GPHN: variants seen among roughly 807,000 people sequenced by gnomAD.
GPHN encodes the protein gephyrin.
Under a neutral mutation model 95.5 loss-of-function variants are expected in GPHN, and 17 were observed. The ratio of observed to expected loss-of-function variants is 0.18; its 90% CI spans 0.12 to 0.27. The LOEUF (loss-of-function observed/expected upper bound fraction) is 0.27, where lower values mean the gene tolerates loss of function less well. GPHN is among the 10% of genes least tolerant of loss of function. The pLI is 1.00. For synonymous variants in GPHN, 320 were observed against 322.5 expected (o/e 0.99, Z 0.08); for missense variants, 660 against 978.1 (o/e 0.67, Z 4.34).
At chr14:67,406,528 TG>T in the GPHN span, among the ~76,000 whole-genome samples, 1 of 152,050 alleles carries the variant, frequency 6.6e-6, no homozygotes, top group African/African-American at 2.4e-5. Context: ...GGGGAGGTGA[TG>T]GGGACCAAGG....
Position 67,144,253 on chromosome 14 carries a change from ATATAT to A in GPHN, c.1836+805_1836+809del, listed in dbSNP as rs2080727810. Among the ~76,000 whole-genome samples, 16 of 46,440 alleles carry A rather than the reference ATATAT, an allele frequency of 3.4e-4. 1 individual carries two copies. Among genetic ancestry groups the A allele is most frequent in the East Asian group, 1.7e-3 (3 of 1,776 alleles). 30.5% of individuals were successfully genotyped at this position (46,440 alleles called of 152,430 possible). On this transcript the variant is annotated intron_variant, in intron 18 of 22. Transcript: ENST00000478722. The stretch of plus-strand genomic sequence containing the variant: ...CCCTGTCTTAAAAAAAAAAAAAAAT[ATATAT>A]ATATATATATATATATATATATATA...
chr14:67,489,863 A>G, the GPHN span, among the ~76,000 whole-genome samples: 32 of 152,166 alleles, frequency 2.1e-4, 1 homozygote, highest in South Asian at 6.4e-3. Flanking sequence ...GATGGTGGGC[A>G]CCTGTAGTCC....
In GPHN at chr14:66,548,230, G is replaced by GAGTGCAAT. The variant is rs2059677659; in HGVS notation, c.64+39640_64+39647dup. ...GAGTCTCGCTCTGTCGCCCAGTCTGGAGTGCAATGGCACGATCTCGGCTCA... is the reference window on the plus strand; with the variant it reads ...GAGTCTCGCTCTGTCGCCCAGTCTGGAGTGCAATAGTGCAATGGCACGATCTCGGCTCA... On this transcript the variant is annotated intron_variant, in intron 1 of 22. Transcript: ENST00000478722. 2.7e-5 allele frequency among the ~76,000 whole-genome samples: 4 copies of GAGTGCAAT among 148,340 alleles called. No individual in the cohort carries two copies. In the South Asian group the frequency reaches 8.5e-4, roughly 32 times the overall value.
chr14:67,496,387 CG>C, the GPHN span, among the ~76,000 whole-genome samples: 18 of 59,974 alleles, frequency 3.0e-4, no homozygotes, highest in Admixed American at 4.1e-3. Context: ...GCCACTGCTC[CG>C]GCGTTTTTTT....
chr14:67,279,061 G>T, the GPHN span: 2 of 1,074,692 alleles, frequency 1.9e-6, no homozygotes, highest in Non-Finnish European at 2.5e-6. Flanking sequence ...TATGTGATGT[G>T]AGAAGTTTTT....
chr14:66,706,843 C>T (rs2069116979), intron 2 of GPHN, among the ~76,000 whole-genome samples: 1 of 152,008 alleles, frequency 6.6e-6, no homozygotes, highest in Middle Eastern at 3.2e-3. Context: ...AGCTTCTGCA[C>T]AGCAAAAGAA....
At chr14:67,237,096 C>T in the GPHN span, among the ~76,000 whole-genome samples, 1,943 of 151,532 alleles carry the variant, frequency 0.013, 28 homozygotes, top group Non-Finnish European at 0.018. Flanking sequence ...TCTCAAAAAA[C>T]GAAAATATAT....
chr14:66,674,243 C>T (rs1174897198), intron 1 of GPHN, among the ~76,000 whole-genome samples: 6 of 151,774 alleles, frequency 4.0e-5, no homozygotes, highest in Non-Finnish European at 4.4e-5. Context: ...GGACTACAGA[C>T]GCCCACCACC....
At chr14:66,546,152 T>G (rs1446580287) in intron 1 of GPHN, among the ~76,000 whole-genome samples, 1 of 150,268 alleles carries the variant, frequency 6.7e-6, no homozygotes, top group Non-Finnish European at 1.5e-5. Context: ...GCAGAGACGC[T>G]CCTCACTTCC....
intron 1 of GPHN, among the ~76,000 whole-genome samples, chr14:66,666,526 A>G (rs1175110546): frequency 6.6e-6 from 1 of 152,190 alleles, no homozygotes; most frequent in Non-Finnish European, 1.5e-5. Flanking sequence ...ACTAAAGACC[A>G]AAACCACTTG....
At chr14:66,579,927 T>A (rs1224626292) in intron 1 of GPHN, among the ~76,000 whole-genome samples, 1 of 151,808 alleles carries the variant, frequency 6.6e-6, no homozygotes, top group African/African-American at 2.4e-5. Context: ...CACACATCCT[T>A]CTTAAGCATA....
chr14:66,513,202 A>T (rs2058107520), intron 1 of GPHN, among the ~76,000 whole-genome samples: 1 of 151,852 alleles, frequency 6.6e-6, no homozygotes, highest in Non-Finnish European at 1.5e-5. Context: ...TTGCTATACA[A>T]TAAGAATTTT....
chr14:66,582,938 T>A (rs1268596714), intron 1 of GPHN, among the ~76,000 whole-genome samples: 1 of 152,198 alleles, frequency 6.6e-6, no homozygotes, highest in Non-Finnish European at 1.5e-5. Flanking sequence ...TTTCTAGTTC[T>A]AAATCCCTGA....
At chr14:67,619,945 C>G in the GPHN span, 1 of 1,451,448 alleles carries the variant, frequency 6.9e-7, no homozygotes, top group South Asian at 1.3e-5. Context: ...CCGCGCGGAG[C>G]CTCTGCCTTG....
At chr14:66,589,413 A>C (rs61989569) in intron 1 of GPHN, among the ~76,000 whole-genome samples, 24,955 of 152,112 alleles carry the variant, frequency 0.16, 2,379 homozygotes, top group Non-Finnish European at 0.22. Flanking sequence ...AACAGGCTAA[A>C]TGCCCCAATT....
intron 4 of GPHN, among the ~76,000 whole-genome samples, chr14:66,845,020 T>C (rs2062260846): frequency 6.6e-6 from 1 of 152,208 alleles, no homozygotes; most frequent in South Asian, 2.1e-4. Context: ...CAAAATGTTT[T>C]CAGGGTTCAT....
chr14:66,520,124 T>C (rs950348517), intron 1 of GPHN, among the ~76,000 whole-genome samples: 4 of 152,190 alleles, frequency 2.6e-5, no homozygotes, highest in Non-Finnish European at 1.5e-5. Flanking sequence ...AGTCCCTAAT[T>C]GATGGACATC....
At chr14:67,177,743 T>A (rs1235503459) in intron 21 of GPHN, among the ~76,000 whole-genome samples, 1 of 152,222 alleles carries the variant, frequency 6.6e-6, no homozygotes, top group African/African-American at 2.4e-5. Context: ...AAGAGCTTGC[T>A]TTATGAATCT....
At chr14:66,947,630 A>C (rs908532559) in intron 8 of GPHN, among the ~76,000 whole-genome samples, 2 of 152,198 alleles carry the variant, frequency 1.3e-5, no homozygotes, top group African/African-American at 4.8e-5. Context: ...ACATTTTAAA[A>C]AGGGATATAT....
Sources: gnomAD v4.1 joint callset for allele counts (sites outside exome capture counted in the v4.1 genomes callset) on GRCh38, gnomAD v4.1.1 for gene constraint, MANE v1.5 for transcripts, NCBI Gene and HGNC (gene_info 2026-07-23, HGNC 2026-07-21) for gene names.